PRKCH: variants seen among roughly 807,000 people sequenced by gnomAD.
The protein encoded by PRKCH is protein kinase C eta, also known as protein kinase C eta type.
In PRKCH, 28 loss-of-function variants were observed where a neutral mutation model predicts 82.5. The ratio of observed to expected loss-of-function variants is 0.34; its 90% confidence interval spans 0.25 to 0.47. PRKCH has a LOEUF of 0.47. PRKCH is among the 20% of genes least tolerant of loss of function. PRKCH has a pLI of 1.00. For synonymous variants in PRKCH, 322 were observed against 327.4 expected (o/e 0.98, Z 0.18); for missense variants, 705 against 881.8 (o/e 0.80, Z 2.54).
At chr14:61,462,090 A>G (rs537628188) in intron 9 of PRKCH, among the ~76,000 whole-genome samples, 26 of 152,324 alleles carry the variant, frequency 1.7e-4, no homozygotes, top group African/African-American at 5.8e-4. Flanking sequence ...GCTAAATGAT[A>G]AAGAAGTAGT....
Position 61,210,816 on chromosome 14 carries a change from G to A in PRKCH, c.-19+23148G>A, listed in dbSNP as rs145046988. Among the ~76,000 whole-genome samples, 115 of 151,694 alleles carry A rather than the reference G, an allele frequency of 7.6e-4. 3 individuals are homozygous for A. The East Asian group carries it at 0.016, about 21-fold the overall frequency. On this transcript the variant is annotated intron_variant, in intron 1 of 3. Transcript: ENST00000555185. The stretch of plus-strand genomic sequence containing the variant: ...TGTGTGTGTGTGTGTGTGTGTGTGC[G>A]TGCACGCGTGCATTCCATATTGCCT...
chr14:61,307,628 A>G (rs1237993269), intron 1 of PRKCH, among the ~76,000 whole-genome samples: 1 of 152,218 alleles, frequency 6.6e-6, no homozygotes, highest in African/African-American at 2.4e-5. Context: ...GTTCTCTAGC[A>G]TATCTTCAAA....
intron 1 of PRKCH, among the ~76,000 whole-genome samples, chr14:61,330,860 G>T (rs1438792979): frequency 6.6e-6 from 1 of 152,154 alleles, no homozygotes; most frequent in African/African-American, 2.4e-5. Flanking sequence ...CCTAACAGGG[G>T]TGTCCAATCT....
intron 2 of PRKCH, among the ~76,000 whole-genome samples, chr14:61,394,576 A>G (rs1421874159): frequency 6.6e-6 from 1 of 152,340 alleles, no homozygotes; most frequent in Non-Finnish European, 1.5e-5. Flanking sequence ...GGCGAAGTAA[A>G]GCAATGCATG....
At chr14:61,246,746 G>GTATT (rs976349709) in intron 1 of PRKCH, among the ~76,000 whole-genome samples, 1 of 152,016 alleles carries the variant, frequency 6.6e-6, no homozygotes, top group South Asian at 2.1e-4. Context: ...ATGTGTGTGT[G>GTATT]TATTTATTTA....
intron 2 of PRKCH, among the ~76,000 whole-genome samples, chr14:61,393,460 AGT>A (rs2046718815): frequency 6.6e-6 from 1 of 152,236 alleles, no homozygotes; most frequent in Non-Finnish European, 1.5e-5. Flanking sequence ...AGGCATAGCC[AGT>A]GTGAGGTTTC....
At chr14:61,360,830 C>A (rs2046215163) in intron 1 of PRKCH, among the ~76,000 whole-genome samples, 1 of 152,146 alleles carries the variant, frequency 6.6e-6, no homozygotes, top group Admixed American at 6.5e-5. Flanking sequence ...TGGAACTCAC[C>A]AGAATCTTTC....
chr14:61,222,766 T>G (rs937626765), intron 1 of PRKCH, among the ~76,000 whole-genome samples: 1 of 152,240 alleles, frequency 6.6e-6, no homozygotes, highest in African/African-American at 2.4e-5. Flanking sequence ...AAACTCTGCA[T>G]GGACAAAAAG....
intron 9 of PRKCH, among the ~76,000 whole-genome samples, chr14:61,483,881 T>C (rs2140327721): frequency 6.6e-6 from 1 of 152,260 alleles, no homozygotes; most frequent in African/African-American, 2.4e-5. Context: ...ACCCCATCTC[T>C]ACTAAAAATC....
At chr14:61,354,939 C>T (rs758550945) in intron 1 of PRKCH, among the ~76,000 whole-genome samples, 4 of 152,102 alleles carry the variant, frequency 2.6e-5, no homozygotes, top group Non-Finnish European at 5.9e-5. Flanking sequence ...ATATACCAGG[C>T]ACAGAAATTC....
chr14:61,305,751 C>T (rs1566813601), intron 1 of PRKCH: 1 of 152,162 alleles, frequency 6.6e-6, no homozygotes, highest in Admixed American at 6.5e-5. Context: ...TTTTCCCATG[C>T]ATCCTTACAT....
chr14:61,461,297 G>A (rs899550288), intron 9 of PRKCH, among the ~76,000 whole-genome samples: 1 of 152,284 alleles, frequency 6.6e-6, no homozygotes. Context: ...CCCCTCCCCT[G>A]CCCTCACCCC....
intron 7 of PRKCH, among the ~76,000 whole-genome samples, chr14:61,454,154 C>T (rs1398329809): frequency 3.3e-5 from 5 of 151,206 alleles, no homozygotes. Flanking sequence ...TGTCACCCAG[C>T]CTGGAGTGCA....
chr14:61,424,462 T>C (rs373420854), intron 2 of PRKCH, among the ~76,000 whole-genome samples: 13 of 152,206 alleles, frequency 8.5e-5, no homozygotes, highest in Admixed American at 2.0e-4. Context: ...GATGAGGAAC[T>C]TCTTGGGAAT....
chr14:61,328,805 T>G (rs2045739950), intron 1 of PRKCH, among the ~76,000 whole-genome samples: 1 of 151,692 alleles, frequency 6.6e-6, no homozygotes, highest in African/African-American at 2.4e-5. Context: ...CTAAGTAAAA[T>G]AGTGAGACCC....
At chr14:61,212,589 GTATT>G (rs1233883301) in intron 1 of PRKCH, among the ~76,000 whole-genome samples, 3 of 152,114 alleles carry the variant, frequency 2.0e-5, no homozygotes, top group Non-Finnish European at 4.4e-5. Context: ...ATCCATCTAA[GTATT>G]TATCTTTCTG....
rs574267044 is a variant in PRKCH, at chr14:61,380,269, C to A, written c.364-10956C>A. 1.7e-4 allele frequency among the ~76,000 whole-genome samples: 26 copies of A among 149,982 alleles called. No homozygotes were observed. The South Asian group carries it at 5.0e-3, about 29-fold the overall frequency. On this transcript the variant is annotated intron_variant, in intron 1 of 13. Coordinates refer to ENST00000332981, the MANE Select transcript of PRKCH (RefSeq NM_006255.5). ...ATGAGATCTCCCTGTGTTGCGCAGA[C>A]TAATCTTGAACTCCTGGACTCAAGT...
chr14:61,445,855 C>T (rs1884195346), intron 4 of PRKCH, 129 bp downstream of exon 4: 2 of 941,076 alleles, frequency 2.1e-6, no homozygotes, highest in Admixed American at 2.0e-5. Flanking sequence ...AAAGGAAACC[C>T]CTGTGTAGAT....
chr14:61,506,304 T>G (rs1887145686), intron 10 of PRKCH, among the ~76,000 whole-genome samples: 1 of 152,172 alleles, frequency 6.6e-6, no homozygotes, highest in South Asian at 2.1e-4. Context: ...TTTCTCCATA[T>G]TGCGGCGGTA....
Sources: gnomAD v4.1 joint callset for allele counts (sites outside exome capture counted in the v4.1 genomes callset) on GRCh38, gnomAD v4.1.1 for gene constraint, MANE v1.5 for transcripts, NCBI Gene and HGNC (gene_info 2026-07-23, HGNC 2026-07-21) for gene names.